Variants in DENND1A observed in about 807,000 individuals in gnomAD.
DENND1A encodes DENN domain-containing protein 1A.
In DENND1A, 51 loss-of-function variants were observed where a neutral mutation model predicts 113.7. The observed-to-expected ratio is 0.45, with a 90% CI of 0.36 to 0.57. The LOEUF (loss-of-function observed/expected upper bound fraction) is 0.57. Ranked by LOEUF, DENND1A falls within the 20% of genes least tolerant of loss-of-function variation. DENND1A has a pLI of 0.00. For synonymous variants in DENND1A, 565 were observed against 570.8 expected, an observed-to-expected ratio of 0.99 and a Z score of 0.14; for missense variants, 1,258 against 1,395.9, an observed-to-expected ratio of 0.90 and a Z score of 1.57.
chr9:123,507,822 C>T (rs2053099885), intron 13 of DENND1A, among the ~76,000 whole-genome samples: 1 of 139,336 alleles, frequency 7.2e-6, no homozygotes, highest in Admixed American at 7.0e-5. Flanking sequence ...GAGAACCTAT[C>T]TCAAAATAAA....
At chr9:123,918,254 C>G (rs1271025059) in intron 1 of DENND1A, among the ~76,000 whole-genome samples, 1 of 150,686 alleles carries the variant, frequency 6.6e-6, no homozygotes, top group African/African-American at 2.4e-5. Flanking sequence ...TTTGGGAGGC[C>G]AAGGCGGGCA....
chr9:123,739,707 T>G (rs1194536898), intron 5 of DENND1A, among the ~76,000 whole-genome samples: 1 of 152,146 alleles, frequency 6.6e-6, no homozygotes, highest in African/African-American at 2.4e-5. Context: ...AAATATTTGC[T>G]TCAGCTGCAA....
In DENND1A at chr9:123,381,788, T is replaced by C. The variant is rs962581238; in HGVS notation, c.2857A>G (p.Met953Val). ...RSQPNLSALS[M>V]PNLFGQMPMG... is the part of the protein sequence containing the mutation. ...GGCATCTGGCCAAAGAGGTTGGGCATGGAGAGGGCGGAGAGGTTGGGCTGA... is the reference window on the plus strand; with the variant it reads ...GGCATCTGGCCAAAGAGGTTGGGCACGGAGAGGGCGGAGAGGTTGGGCTGA... The change falls in exon 24 of 24, where the codon ATG becomes GTG. Residue 953 changes from methionine to valine, a missense_variant. By Grantham distance (21) the Met-to-Val change is conservative (BLOSUM62 1). Around this residue, in one of 2 missense-constraint regions of DENND1A, gnomAD observed 1,159 missense variants for 1,231.7 expected, o/e 0.94. Transcript: ENST00000394215. This position sits in a 1 kb window ranked among gnomAD's most constrained non-coding sequence, Gnocchi z 4.7. 17 of 1,517,374 alleles carry C rather than the reference T, an allele frequency of 1.1e-5. No homozygotes were observed. Among genetic ancestry groups the C allele is most frequent in the East Asian group, 4.9e-5 (2 of 40,650 alleles). The allele number at this position is 1,517,374 out of a possible 1,614,324, so 94.0% of individuals were successfully genotyped here.
intron 9 of DENND1A, among the ~76,000 whole-genome samples, chr9:123,645,260 AT>A: frequency 6.6e-6 from 1 of 152,162 alleles, no homozygotes; most frequent in Non-Finnish European, 1.5e-5. Context: ...GACAGCTTTT[AT>A]CTTTCATGTG....
intron 5 of DENND1A, among the ~76,000 whole-genome samples, chr9:123,686,556 A>T (rs1053690016): frequency 6.6e-6 from 1 of 152,212 alleles, no homozygotes; most frequent in African/African-American, 2.4e-5. Flanking sequence ...CTCCAGGGAC[A>T]CTAGTCATGT....
intron 21 of DENND1A, among the ~76,000 whole-genome samples, chr9:123,402,083 T>G (rs914632542): frequency 6.6e-6 from 1 of 152,238 alleles, no homozygotes; most frequent in Non-Finnish European, 1.5e-5. Flanking sequence ...GGCACTCAGG[T>G]GCCATGCAGC....
intron 13 of DENND1A, among the ~76,000 whole-genome samples, chr9:123,544,428 G>C (rs1219164220): frequency 1.3e-5 from 2 of 152,208 alleles, no homozygotes; most frequent in Admixed American, 1.3e-4. Context: ...ATAGATTAGA[G>C]AAATTGACTC....
chr9:123,892,840 G>A (rs963660901), intron 1 of DENND1A, among the ~76,000 whole-genome samples: 3 of 152,076 alleles, frequency 2.0e-5, no homozygotes, highest in Non-Finnish European at 2.9e-5. Flanking sequence ...AAATTAGCCG[G>A]GTGTGGTCGT....
intron 1 of DENND1A, among the ~76,000 whole-genome samples, chr9:123,899,298 T>C (rs1851240219): frequency 1.3e-5 from 2 of 152,178 alleles, no homozygotes; most frequent in East Asian, 1.9e-4. Context: ...CCCTCCTGAC[T>C]CGCCAGTGTC....
rs776432167 is a variant in DENND1A at position 123,557,587 on chromosome 9, C to A, written c.976G>T (p.Ala326Ser). ...CTACTCACCGGCTCGATTTTCAGAG[C>A]GTTTCGGTAGCTACCGAAGAAAGCA... is the stretch of plus-strand genomic sequence containing the variant. ...QAAFFGSYRN[A>S]LKIEPEEPIT... The change falls in exon 13 of 24, where the codon GCT becomes TCT. Residue 326 changes from alanine (A) to serine (S), a missense_variant. Around this residue, in one of 2 missense-constraint regions of DENND1A, gnomAD observed 1,159 missense variants for 1,231.7 expected, o/e 0.94. Transcript: ENST00000394215. 7 of 1,613,826 alleles carry A rather than the reference C, an allele frequency of 4.3e-6. No individual in the cohort carries two copies. In the South Asian group the frequency reaches 5.5e-5, roughly 13 times the overall value.
chr9:123,514,324 G>A (rs2053715556), intron 13 of DENND1A, among the ~76,000 whole-genome samples: 1 of 152,064 alleles, frequency 6.6e-6, no homozygotes, highest in Non-Finnish European at 1.5e-5. Context: ...GCCTGAGGGA[G>A]ATGAGGAGGA....
At chr9:123,576,234 T>C (rs1402411742) in intron 12 of DENND1A, among the ~76,000 whole-genome samples, 5 of 152,212 alleles carry the variant, frequency 3.3e-5, no homozygotes, top group African/African-American at 1.2e-4. Flanking sequence ...ACTTCTATTC[T>C]CCACCCCCTA....
intron 13 of DENND1A, among the ~76,000 whole-genome samples, chr9:123,497,131 C>G (rs543054769): frequency 6.6e-6 from 1 of 152,166 alleles, no homozygotes; most frequent in Admixed American, 6.5e-5. Flanking sequence ...GCTCCACAGT[C>G]CCCATCAGGG....
At chr9:123,728,009 G>C (rs1460143751) in intron 5 of DENND1A, among the ~76,000 whole-genome samples, 6 of 152,006 alleles carry the variant, frequency 3.9e-5, no homozygotes, top group Non-Finnish European at 7.4e-5. Context: ...GGGAGGCTGA[G>C]GCAGGAGAAT....
chr9:123,557,964 C>A (rs993862199), intron 12 of DENND1A, among the ~76,000 whole-genome samples: 1 of 151,566 alleles, frequency 6.6e-6, no homozygotes, highest in Non-Finnish European at 1.5e-5. Flanking sequence ...TGCACTCCAG[C>A]CTGGGCGACA....
chr9:123,505,150 A>T (rs559267288), intron 13 of DENND1A, among the ~76,000 whole-genome samples: 1 of 152,190 alleles, frequency 6.6e-6, no homozygotes, highest in South Asian at 2.1e-4. Flanking sequence ...AGCAGCTACA[A>T]CTCCCTGCGT....
intron 5 of DENND1A, among the ~76,000 whole-genome samples, chr9:123,749,676 G>A (rs2069833154): frequency 6.6e-6 from 1 of 152,118 alleles, no homozygotes; most frequent in Non-Finnish European, 1.5e-5. Flanking sequence ...GTCTATCCAT[G>A]TTCAAAATGA....
chr9:123,867,107 TCTTCAGTAAAG>T (rs1413258788), intron 2 of DENND1A, among the ~76,000 whole-genome samples: 1 of 152,208 alleles, frequency 6.6e-6, no homozygotes, highest in Non-Finnish European at 1.5e-5. Context: ...CACAGTGATA[TCTTCAGTAAAG>T]CTTTCTTTTT....
intron 13 of DENND1A, among the ~76,000 whole-genome samples, chr9:123,483,315 G>T (rs1397262212): frequency 6.6e-6 from 1 of 152,218 alleles, no homozygotes; most frequent in African/African-American, 2.4e-5. Flanking sequence ...AAGAGCAGGG[G>T]CTGGCATGCC....
Sources: allele counts gnomAD v4.1 joint callset (sites outside exome capture counted in the v4.1 genomes callset), GRCh38; gene constraint gnomAD v4.1.1; regional missense constraint gnomAD v4.1.1; non-coding constraint Gnocchi (gnomAD v3.1); transcripts MANE v1.5; gene names NCBI Gene and HGNC (gene_info 2026-07-23, HGNC 2026-07-21).